The following CPS1 variants were observed in gnomAD, a reference collection of about 807,000 sequenced individuals.
CPS1 encodes the protein carbamoyl-phosphate synthase [ammonia], mitochondrial.
A neutral mutation model predicts 174.6 loss-of-function variants in CPS1; 109 were observed. That is an observed-to-expected ratio of 0.62 (90% CI 0.53 to 0.73). The LOEUF is 0.73. Ranked by LOEUF, CPS1 falls within the 30% of genes least tolerant of loss-of-function variation. CPS1 has a pLI of 0.00. For missense variants in CPS1, 1,689 were observed against 1,821.9 expected, an observed-to-expected ratio of 0.93 and a Z score of 1.33; for synonymous variants, 637 against 632.0, an observed-to-expected ratio of 1.01 and a Z score of -0.12.
In CPS1 at chr2:210,650,871, A is replaced by G. The variant is rs531917673; in HGVS notation, c.3480+433A>G. On this transcript the variant is annotated intron_variant, in intron 28 of 37. Transcript: ENST00000233072. The stretch of plus-strand genomic sequence containing the variant: ...TGATTTTTAATTTTCACATCTGGGA[A>G]CTTTGCCTAGTCAAACATGCAACTT... 5.8e-3 allele frequency among the ~76,000 whole-genome samples: 633 copies of G among 109,364 alleles called. 8 individuals are homozygous for G. The highest frequency in any genetic ancestry group is 9.1e-3 in the Non-Finnish European group (473 of 52,054). 71.7% of individuals were successfully genotyped at this position (109,364 alleles called of 152,430 possible).
At chr2:210,526,381 TA>T (rs11308265) in intron 1 of CPS1, among the ~76,000 whole-genome samples, 63,089 of 147,156 alleles carry the variant, frequency 0.43, 13,421 homozygotes, top group Middle Eastern at 0.53. Context: ...TAAAATATAT[TA>T]AAAAAAAAAA....
chr2:210,603,339 C>T (rs1396107221), intron 16 of CPS1, among the ~76,000 whole-genome samples: 1 of 151,836 alleles, frequency 6.6e-6, no homozygotes, highest in Non-Finnish European at 1.5e-5. Flanking sequence ...CAGATAAGTA[C>T]AATTCAGCAT....
intron 21 of CPS1, among the ~76,000 whole-genome samples, chr2:210,634,952 GT>G (rs1237356657): frequency 6.6e-6 from 1 of 151,922 alleles, no homozygotes; most frequent in African/African-American, 2.4e-5. Context: ...GTTGAACTTT[GT>G]TTTTTCTTTT....
At chr2:210,607,488 C>G (rs1161746507) in intron 18 of CPS1, among the ~76,000 whole-genome samples, 1 of 151,972 alleles carries the variant, frequency 6.6e-6, no homozygotes, top group East Asian at 1.9e-4. Context: ...GAAAGGTAAT[C>G]AAAACCTTTG....
chr2:210,529,254 A>G (rs1696056377), intron 1 of CPS1, among the ~76,000 whole-genome samples: 5 of 151,936 alleles, frequency 3.3e-5, no homozygotes, highest in Admixed American at 3.3e-4. Context: ...GTGGAACTAA[A>G]ACATCATTTA....
chr2:210,489,097 A>G (rs16844534), intron 1 of CPS1, among the ~76,000 whole-genome samples: 31,160 of 152,168 alleles, frequency 0.2, 3,734 homozygotes, highest in Middle Eastern at 0.34. Flanking sequence ...TATTTGGTCT[A>G]CCTGCACTGC....
At chr2:210,528,838 G>C (rs1032758003) in intron 1 of CPS1, among the ~76,000 whole-genome samples, 1 of 123,452 alleles carries the variant, frequency 8.1e-6, no homozygotes, top group Non-Finnish European at 1.7e-5. Context: ...TTTTTTTTGA[G>C]TAGCTTCCTC....
At chr2:210,479,029 A>G (rs1694491760) in intron 1 of CPS1, among the ~76,000 whole-genome samples, 1 of 151,554 alleles carries the variant, frequency 6.6e-6, no homozygotes, top group Non-Finnish European at 1.5e-5. Flanking sequence ...TTCTGATACA[A>G]AAGAAAAGTA....
chr2:210,600,687 T>C lies in CPS1; in HGVS notation c.1682T>C (p.Ile561Thr), dbSNP rs528092643. 1 of 1,612,044 alleles carries C rather than the reference T, an allele frequency of 6.2e-7. No homozygotes were observed. The highest frequency in any genetic ancestry group is 1.3e-5 in the African/African-American group (1 of 74,880). The change falls in exon 15 of 38, where the codon ATT becomes ACT. Residue 561 changes from isoleucine to threonine, a missense_variant. Transcript: ENST00000233072. ...AAACTAAATGAGATCAATGAAAAGA[T>C]TGCTCCAAGTTTTGCAGTGGAATCG... The part of the protein sequence containing the change: ...SDKLNEINEK[I>T]APSFAVESIE...
At chr2:210,611,982 T>TC (rs1699139362) in intron 19 of CPS1, 135 bp from the exon 20 acceptor site, 1 of 821,960 alleles carries the variant, frequency 1.2e-6, no homozygotes, top group African/African-American at 1.8e-5. Flanking sequence ...TTTTTTTTTT[T>TC]TTAATTTGAG....
intron 1 of CPS1, among the ~76,000 whole-genome samples, chr2:210,511,354 G>A (rs1359074063): frequency 6.6e-6 from 1 of 152,068 alleles, no homozygotes. Context: ...ACACAGGAAG[G>A]GGAACATCAC....
At chr2:210,542,370 A>G (rs926904744) in intron 1 of CPS1, among the ~76,000 whole-genome samples, 2 of 152,144 alleles carry the variant, frequency 1.3e-5, no homozygotes, top group Non-Finnish European at 2.9e-5. Context: ...CTTCACAGAT[A>G]TTAGTTTAAA....
chr2:210,618,716 G>A (rs996839381), intron 21 of CPS1: 1 of 152,024 alleles, frequency 6.6e-6, no homozygotes, highest in Non-Finnish European at 1.5e-5. Flanking sequence ...AAGTATGTAA[G>A]GCCTTGAGTT....
At chr2:210,656,900 A>T (rs1399805428) in intron 30 of CPS1, among the ~76,000 whole-genome samples, 4 of 152,138 alleles carry the variant, frequency 2.6e-5, no homozygotes, top group Non-Finnish European at 5.9e-5. Flanking sequence ...AGAGCTTGTT[A>T]AACACATTGC....
intron 21 of CPS1, among the ~76,000 whole-genome samples, chr2:210,634,540 G>A (rs568257603): frequency 3.2e-4 from 48 of 152,148 alleles, no homozygotes; most frequent in African/African-American, 1.1e-3. Context: ...GCTCTCTGAA[G>A]CTCTAAAGTC....
chr2:210,514,255 T>C (rs1021123588), intron 1 of CPS1, among the ~76,000 whole-genome samples: 1 of 152,086 alleles, frequency 6.6e-6, no homozygotes, highest in Non-Finnish European at 1.5e-5. Flanking sequence ...TAGTGTTGAA[T>C]CTGTAGCTTG....
chr2:210,658,578 C>T (rs747854856), intron 30 of CPS1, 21 bp from the exon 31 acceptor site: 14 of 1,602,976 alleles, frequency 8.7e-6, no homozygotes, highest in Middle Eastern at 3.3e-4. Context: ...GCACACTATA[C>T]GATTATGCTT....
chr2:210,639,854 A>G, intron 23 of CPS1, 142 bp from the exon 24 acceptor site: 3 of 666,012 alleles, frequency 4.5e-6, no homozygotes, highest in South Asian at 1.7e-5. Context: ...CTTTATACTT[A>G]TGGGTTTCCA....
chr2:210,635,958 C>A (rs1294727672), intron 21 of CPS1, among the ~76,000 whole-genome samples: 3 of 152,150 alleles, frequency 2.0e-5, no homozygotes, highest in Non-Finnish European at 4.4e-5. Context: ...TTGATTTTTT[C>A]TTCTCCAAAC....
Sources: gnomAD v4.1 joint callset for allele counts (sites outside exome capture counted in the v4.1 genomes callset) on GRCh38, gnomAD v4.1.1 for gene constraint, MANE v1.5 for transcripts, NCBI Gene and HGNC (gene_info 2026-07-23, HGNC 2026-07-21) for gene names.